The following OSBPL9 variants were observed in gnomAD, a reference collection of about 807,000 sequenced individuals.
The protein encoded by OSBPL9 is oxysterol binding protein like 9.
A neutral mutation model predicts 106.6 loss-of-function variants in OSBPL9; 40 were observed. That is an observed-to-expected ratio of 0.38 (90% confidence interval 0.29 to 0.49). The LOEUF is 0.49. OSBPL9 is among the 20% of genes least tolerant of loss of function. The pLI, the probability that OSBPL9 is intolerant of heterozygous loss-of-function variation, is 0.97. For synonymous variants in OSBPL9, 269 were observed against 295.4 expected (o/e 0.91, Z 0.92); for missense variants, 609 against 887.2 (o/e 0.69, Z 3.98).
At chr1:51,599,857 G>A (rs1645318797) in intron 2 of OSBPL9, among the ~76,000 whole-genome samples, 1 of 152,184 alleles carries the variant, frequency 6.6e-6, no homozygotes, top group Admixed American at 6.5e-5. Flanking sequence ...TGGAGGCTGG[G>A]ACGTCCAAGA....
At chr1:51,554,295 G>C in the OSBPL9 span, among the ~76,000 whole-genome samples, 1 of 152,158 alleles carries the variant, frequency 6.6e-6, no homozygotes, top group South Asian at 2.1e-4. Context: ...GCAAGGCTTG[G>C]ATAGTATAAT....
intron 23 of OSBPL9, 48 bp from the exon 24 acceptor site, chr1:51,787,667 G>A (rs1479372389): frequency 2.5e-6 from 4 of 1,600,140 alleles, no homozygotes; most frequent in African/African-American, 2.7e-5. Context: ...GTATATTACA[G>A]AAGTACAAAG....
chr1:51,745,712 G>T, intron 5 of OSBPL9, 81 bp downstream of exon 5: 5 of 1,392,790 alleles, frequency 3.6e-6, no homozygotes, highest in Non-Finnish European at 4.7e-6. Flanking sequence ...ACAGTTACTT[G>T]ATGTTAATTT....
intron 3 of OSBPL9, among the ~76,000 whole-genome samples, chr1:51,672,494 G>A (rs1407953391): frequency 6.6e-6 from 1 of 151,864 alleles, no homozygotes; most frequent in South Asian, 2.1e-4. Flanking sequence ...TCAGTCCCCA[G>A]CCCCAGCCCC....
At chr1:51,631,435 G>A (rs1331636060) in intron 1 of OSBPL9, among the ~76,000 whole-genome samples, 1 of 152,032 alleles carries the variant, frequency 6.6e-6, no homozygotes, top group Non-Finnish European at 1.5e-5. Flanking sequence ...CCAGCTACTT[G>A]GAGGCTGAGG....
At chr1:51,622,329 G>A (rs1644489443) in intron 1 of OSBPL9, among the ~76,000 whole-genome samples, 1 of 152,174 alleles carries the variant, frequency 6.6e-6, no homozygotes, top group South Asian at 2.1e-4. Flanking sequence ...ATAAATATTA[G>A]TTTTTCATAT....
At chr1:51,607,294 T>A (rs958518433) in intron 2 of OSBPL9, among the ~76,000 whole-genome samples, 6 of 151,468 alleles carry the variant, frequency 4.0e-5, no homozygotes, top group African/African-American at 1.2e-4. Context: ...CCTGAGTAGC[T>A]GGGATCACAA....
At chr1:51,530,641 G>C in the OSBPL9 span, among the ~76,000 whole-genome samples, 1 of 151,994 alleles carries the variant, frequency 6.6e-6, no homozygotes, top group South Asian at 2.1e-4. Context: ...AGGCTGCAGT[G>C]AGCTATGATT....
intron 5 of OSBPL9, among the ~76,000 whole-genome samples, 179 bp from the exon 6 acceptor site, chr1:51,746,531 A>C (rs191900885): frequency 6.6e-6 from 1 of 152,332 alleles, no homozygotes; most frequent in Non-Finnish European, 1.5e-5. Flanking sequence ...GATTTCATAC[A>C]ATAGAATTTG....
chr1:51,618,379 G>A (rs953002491), intron 1 of OSBPL9, among the ~76,000 whole-genome samples: 1 of 152,072 alleles, frequency 6.6e-6, no homozygotes, highest in African/African-American at 2.4e-5. Flanking sequence ...GAGAGTAGGT[G>A]GTATTAGGGA....
At chr1:51,567,522 G>A in the OSBPL9 span, 1 of 152,106 alleles carries the variant, frequency 6.6e-6, no homozygotes, top group African/African-American at 2.4e-5. Flanking sequence ...TGGGGAACTG[G>A]GCTATGCCAA....
chr1:51,573,728 C>T (rs1177536861), upstream of OSBPL9, among the ~76,000 whole-genome samples: 2 of 150,462 alleles, frequency 1.3e-5, no homozygotes, highest in South Asian at 2.1e-4. Context: ...GCAGGAGAAT[C>T]GCTTGAACCC....
intron 8 of OSBPL9, 37 bp downstream of exon 8, chr1:51,750,232 G>A (rs1416124030): frequency 6.6e-7 from 1 of 1,506,482 alleles, no homozygotes; most frequent in Non-Finnish European, 9.1e-7. Flanking sequence ...TTTGTGTATG[G>A]AGTTCAAAAA....
intron 2 of OSBPL9, among the ~76,000 whole-genome samples, chr1:51,656,577 G>A (rs946663117): frequency 6.6e-6 from 1 of 151,664 alleles, no homozygotes; most frequent in African/African-American, 2.4e-5. Flanking sequence ...TTTCTAATCC[G>A]CATACTTCTA....
intron 5 of OSBPL9, 140 bp from the exon 6 acceptor site, chr1:51,746,570 C>A: frequency 1.4e-5 from 8 of 560,592 alleles, no homozygotes; most frequent in East Asian, 3.2e-5. Context: ...AAAAAAAATA[C>A]ATGTTGTCTT....
chr1:51,741,318 A>T (rs1460487970), intron 4 of OSBPL9, among the ~76,000 whole-genome samples: 1 of 151,938 alleles, frequency 6.6e-6, no homozygotes, highest in Non-Finnish European at 1.5e-5. Context: ...GATGATATAG[A>T]AGTATGTGTT....
intron 4 of OSBPL9, among the ~76,000 whole-genome samples, chr1:51,725,663 G>A (rs1037757243): frequency 6.6e-6 from 1 of 152,082 alleles, no homozygotes; most frequent in African/African-American, 2.4e-5. Flanking sequence ...GGGAGAGTAG[G>A]GCTAGAGAGG....
At chr1:51,747,614 T>C (rs1323842648) in intron 6 of OSBPL9, among the ~76,000 whole-genome samples, 1 of 149,830 alleles carries the variant, frequency 6.7e-6, no homozygotes, top group African/African-American at 2.5e-5. Context: ...CGTTTGGCTC[T>C]TTTATACCTG....
At chr1:51,664,203 A>G (rs1383902886) in intron 2 of OSBPL9, among the ~76,000 whole-genome samples, 1 of 152,236 alleles carries the variant, frequency 6.6e-6, no homozygotes, top group African/African-American at 2.4e-5. Flanking sequence ...TAATAACGTA[A>G]AACTGAAAAC....
Sources: gnomAD v4.1 joint callset for allele counts (sites outside exome capture counted in the v4.1 genomes callset) on GRCh38, gnomAD v4.1.1 for gene constraint, MANE v1.5 for transcripts, NCBI Gene and HGNC (gene_info 2026-07-23, HGNC 2026-07-21) for gene names.